SPTBN1: variants seen among roughly 807,000 people sequenced by gnomAD.
The protein encoded by SPTBN1 is spectrin beta chain, non-erythrocytic 1.
Under a neutral mutation model 266.4 loss-of-function variants are expected in SPTBN1, and 32 were observed. The ratio of observed to expected loss-of-function variants is 0.12; its 90% confidence interval spans 0.09 to 0.16. SPTBN1 has a LOEUF of 0.16. Among genes scored for constraint, SPTBN1 ranks in the 10% least tolerant of loss-of-function variants. The pLI is 1.00. For missense variants in SPTBN1, 2,296 were observed against 3,067.1 expected (o/e 0.75, Z 5.94); for synonymous variants, 1,336 against 1,162.2 (o/e 1.15, Z -3.04).
Position 54,649,394 on chromosome 2 carries a change from A to G in SPTBN1, c.5202+204A>G, listed in dbSNP as rs1051738992. Among the ~76,000 whole-genome samples, 2 of 152,156 alleles carry G rather than the reference A, an allele frequency of 1.3e-5. No homozygotes were observed. Among genetic ancestry groups the G allele is most frequent in the African/African-American group, 4.8e-5 (2 of 41,424 alleles). ...CTCTCTGTGCACCCCTTCCTCCGGT[A>G]GTAAAAGGAGGTGGAGGTAGTGCCT... On this transcript the variant is annotated intron_variant, in intron 25 of 35. Coordinates refer to ENST00000356805, the MANE Select transcript of SPTBN1 (RefSeq NM_003128.3). This position sits in a 1 kb window ranked among gnomAD's most constrained non-coding sequence, Gnocchi z 6.7.
At chr2:54,634,780 C>A (rs938139084) in intron 17 of SPTBN1, among the ~76,000 whole-genome samples, 3 of 152,160 alleles carry the variant, frequency 2.0e-5, no homozygotes. Context: ...CAGGAAGTTT[C>A]CTGAGTTGTT....
In SPTBN1 at chr2:54,625,968, G is replaced by A. The variant is rs1678295125; in HGVS notation, c.1378G>A (p.Ala460Thr). 6.2e-7 allele frequency: 1 copy of A among 1,613,804 alleles called. No individual in the cohort carries two copies. The highest frequency in any genetic ancestry group is 8.5e-7 in the Non-Finnish European group (1 of 1,179,860). The change falls in exon 12 of 36, where the codon GCC (alanine) becomes ACC (threonine). Residue 460 changes from alanine to threonine, a missense_variant. By Grantham distance (58) the Ala-to-Thr change is moderately conservative. Around this residue, in one of 12 missense-constraint regions of SPTBN1, gnomAD observed 6 missense variants for 31.5 expected, o/e 0.19. Transcript: ENST00000356805. Reference sequence around the variant, plus strand: ...GTTTGACCTTCCTGCAGTTGAGGCCGCCACAAAAAAGCACGAGGCCATTGA... The same window carrying A: ...GTTTGACCTTCCTGCAGTTGAGGCCACCACAAAAAAGCACGAGGCCATTGA... ...FGFDLPAVEA[A>T]TKKHEAIETD...
At chr2:54,457,885 C>T (rs1349505070) in intron 1 of SPTBN1, among the ~76,000 whole-genome samples, 1 of 152,244 alleles carries the variant, frequency 6.6e-6, no homozygotes, top group Non-Finnish European at 1.5e-5. Flanking sequence ...GAGGGGCGCC[C>T]TGCATCACCA....
intron 26 of SPTBN1, among the ~76,000 whole-genome samples, chr2:54,650,672 C>A (rs1680219150): frequency 6.6e-6 from 1 of 152,162 alleles, no homozygotes; most frequent in Non-Finnish European, 1.5e-5. Context: ...TATTGAGTAT[C>A]TAAGTTATCT....
intron 1 of SPTBN1, among the ~76,000 whole-genome samples, chr2:54,472,062 C>G (rs1253501491): frequency 8.6e-6 from 1 of 116,858 alleles, no homozygotes; most frequent in Non-Finnish European, 1.6e-5. Flanking sequence ...GAGTCTCGCT[C>G]TGTCGCCCAG....
At chr2:54,504,496 C>T (rs570435954) in intron 1 of SPTBN1, among the ~76,000 whole-genome samples, 4 of 152,194 alleles carry the variant, frequency 2.6e-5, no homozygotes, top group East Asian at 1.9e-4. Context: ...CCACAAAGTT[C>T]GAAAAAGCAG....
intron 1 of SPTBN1, among the ~76,000 whole-genome samples, chr2:54,475,249 A>G (rs1400329838): frequency 6.6e-6 from 1 of 152,130 alleles, no homozygotes; most frequent in African/African-American, 2.4e-5. Flanking sequence ...GCAAACGGTT[A>G]GTTTGTCAAT....
Position 54,661,820 on chromosome 2 carries a change from A to G in SPTBN1, c.6420+1821A>G, listed in dbSNP as rs947650927. ...CTTTTTGTATCTAGAAGACCCTCCA[A>G]AAAAGGAACCACATAAGCACACAAG... On this transcript the variant is annotated intron_variant, in intron 32 of 35. Transcript: ENST00000356805. 5 of 985,310 alleles carry G rather than the reference A, an allele frequency of 5.1e-6. No individual in the cohort carries two copies. In the African/African-American group the frequency reaches 7.0e-5, roughly 14 times the overall value. 61.0% of individuals were successfully genotyped at this position (985,310 alleles called of 1,614,324 possible).
intron 2 of SPTBN1, among the ~76,000 whole-genome samples, chr2:54,547,224 G>GT (rs969593681): frequency 1.3e-5 from 2 of 151,622 alleles, no homozygotes; most frequent in African/African-American, 4.9e-5. Context: ...TGTAATATTT[G>GT]TTTTTTTTCT....
chr2:54,500,728 G>A (rs1196874752), intron 1 of SPTBN1, among the ~76,000 whole-genome samples: 6 of 151,998 alleles, frequency 3.9e-5, no homozygotes, highest in Non-Finnish European at 7.4e-5. Context: ...TGTATAGATG[G>A]GATTTTGCCA....
chr2:54,605,656 C>CTA (rs1676784926), intron 3 of SPTBN1, among the ~76,000 whole-genome samples: 1 of 152,190 alleles, frequency 6.6e-6, no homozygotes, highest in African/African-American at 2.4e-5. Context: ...TTACTGCTTC[C>CTA]TAAACTTGCC....
Position 54,647,148 on chromosome 2 carries a change from C to T in SPTBN1, c.4884C>T (p.Val1628=). 6.2e-7 allele frequency: 1 copy of T among 1,614,170 alleles called. No homozygotes were observed. The highest frequency in any genetic ancestry group is 8.5e-7 in the Non-Finnish European group (1 of 1,180,042). Reference sequence around the variant, plus strand: ...CTTTGCAGGATGAGCAGAGTGCTGTCTCCATGTTGAAGAAGCACCAGATCT... The same window carrying T: ...CTTTGCAGGATGAGCAGAGTGCTGTTTCCATGTTGAAGAAGCACCAGATCT... The part of the protein sequence containing the change: ...EEKAKDEQSA[V]SMLKKHQILE... The change falls in exon 24 of 36, where the codon GTC becomes GTT. Residue 1628 remains valine (V), a synonymous_variant. Transcript: ENST00000356805.
intron 3 of SPTBN1, among the ~76,000 whole-genome samples, chr2:54,608,701 C>T (rs990306584): frequency 1.3e-5 from 2 of 151,172 alleles, no homozygotes; most frequent in African/African-American, 4.9e-5. Flanking sequence ...CATGCGCGCA[C>T]GAGTGCGCGC....
chr2:54,530,353 C>CTTT lies in SPTBN1; in HGVS notation c.148+3808_148+3810dup, dbSNP rs549491367. 3.1e-4 allele frequency among the ~76,000 whole-genome samples: 23 copies of CTTT among 73,902 alleles called. 2 individuals carry two copies. Among genetic ancestry groups the CTTT allele is most frequent in the Admixed American group, 4.3e-4 (2 of 4,644 alleles). The allele number at this position is 73,902 out of a possible 152,430, so 48.5% of individuals were successfully genotyped here. On this transcript the variant is annotated intron_variant, in intron 2 of 35. Coordinates refer to ENST00000356805, the MANE Select transcript of SPTBN1 (RefSeq NM_003128.3). The stretch of plus-strand genomic sequence containing the variant: ...TAGGTTATCTGTGAATTGTAAAAAA[C>CTTT]TTTTTTTTTTTTTTTTTTTTTTTGA...
intron 2 of SPTBN1, among the ~76,000 whole-genome samples, chr2:54,590,689 T>C (rs1675615618): frequency 6.6e-6 from 1 of 152,096 alleles, no homozygotes; most frequent in Non-Finnish European, 1.5e-5. Flanking sequence ...GAAGCAAAGA[T>C]GGGAAAAAGC....
intron 26 of SPTBN1, 90 bp downstream of exon 26, chr2:54,650,079 C>G (rs558897835): frequency 1.4e-6 from 2 of 1,478,906 alleles, no homozygotes; most frequent in Admixed American, 2.2e-5. Flanking sequence ...TGTTCCTTGG[C>G]TCTTCAAAAG....
intron 11 of SPTBN1, 142 bp downstream of exon 11, chr2:54,625,104 C>T: frequency 1.1e-6 from 1 of 901,496 alleles, no homozygotes; most frequent in Non-Finnish European, 1.6e-6. Context: ...TGGCCCCTTC[C>T]CATTAAGAGG....
intron 2 of SPTBN1, among the ~76,000 whole-genome samples, chr2:54,585,316 C>T (rs1403948964): frequency 3.3e-5 from 5 of 152,178 alleles, no homozygotes; most frequent in Non-Finnish European, 7.4e-5. Flanking sequence ...CTGTCAACTG[C>T]CCTGCCCTCT....
chr2:54,665,002 A>G (rs189903194), intron 33 of SPTBN1, among the ~76,000 whole-genome samples: 90 of 151,408 alleles, frequency 5.9e-4, no homozygotes, highest in African/African-American at 2.1e-3. Context: ...TTCATTTAGG[A>G]CTCCTTGTGG....
Sources: allele counts gnomAD v4.1 joint callset (sites outside exome capture counted in the v4.1 genomes callset), GRCh38; gene constraint gnomAD v4.1.1; regional missense constraint gnomAD v4.1.1; non-coding constraint Gnocchi (gnomAD v3.1); transcripts MANE v1.5; gene names NCBI Gene and HGNC (gene_info 2026-07-23, HGNC 2026-07-21).